The following ERP44 variants were observed in gnomAD, a reference collection of about 807,000 sequenced individuals.
ERP44 encodes the protein endoplasmic reticulum protein 44, also known as endoplasmic reticulum resident protein 44.
A neutral mutation model predicts 53.4 loss-of-function variants in ERP44; 25 were observed. The observed-to-expected ratio is 0.47, with a 90% CI of 0.34 to 0.65. The LOEUF is 0.65. Among genes scored for constraint, ERP44 ranks in the 30% least tolerant of loss-of-function variants. The pLI is 0.01. For synonymous variants in ERP44, 145 were observed against 161.2 expected (o/e 0.90, Z 0.76); for missense variants, 338 against 493.2 (o/e 0.69, Z 2.98).
intron 1 of ERP44, among the ~76,000 whole-genome samples, chr9:100,089,175 G>A (rs1044911181): frequency 4.6e-5 from 7 of 151,926 alleles, no homozygotes; most frequent in Non-Finnish European, 7.4e-5. Flanking sequence ...GACATAACCC[G>A]CCCCTTATCA....
In ERP44 at chr9:99,980,254, C is replaced by T. The variant is rs1830134804; in HGVS notation, c.*2358G>A. 2.5e-6 allele frequency: 1 copy of T among 393,166 alleles called. No homozygotes were observed. The highest frequency in any genetic ancestry group is 4.5e-6 in the Non-Finnish European group (1 of 223,090). 24.4% of individuals were successfully genotyped at this position (393,166 alleles called of 1,614,324 possible). A position where few individuals can be genotyped will look rare whatever the true frequency, so the allele number is the denominator to read the frequency against. ...ATATGCCTGACTAGGCTGTGAACAA[C>T]TCTAGGGCAGAAATAATGCTTTATT... On this transcript the variant is annotated 3_prime_UTR_variant, in exon 12 of 12. Transcript: ENST00000262455.
chr9:100,032,536 C>T lies in ERP44; in HGVS notation c.287-10310G>A, dbSNP rs117204377. 9.9e-5 allele frequency among the ~76,000 whole-genome samples: 15 copies of T among 152,004 alleles called. No individual in the cohort carries two copies. The East Asian group carries it at 2.3e-3, about 23-fold the overall frequency. ...AGATGGTATTTGGCTTTCTTTGGGC[C>T]GTATTTGTATAAATATGTTACTGGT... On this transcript the variant is annotated intron_variant, in intron 4 of 11. Transcript: ENST00000262455.
At position 100,074,316 on chromosome 9, in the gene ERP44, G is replaced by A. The variant is rs924774953; in HGVS notation, c.58-14144C>T. Among the ~76,000 whole-genome samples, 9 of 152,194 alleles carry A rather than the reference G, an allele frequency of 5.9e-5. No homozygotes were observed. In the South Asian group the frequency reaches 8.3e-4, roughly 14 times the overall value. On this transcript the variant is annotated intron_variant, in intron 1 of 11. Coordinates refer to ENST00000262455, the MANE Select transcript of ERP44 (RefSeq NM_015051.3). Reference sequence around the variant, plus strand: ...AAAACCACTGCCTGGTGCCAAAAACGTTCAAGACTGCTGGGTTATCACACT... The same window carrying A: ...AAAACCACTGCCTGGTGCCAAAAACATTCAAGACTGCTGGGTTATCACACT...
intron 10 of ERP44, among the ~76,000 whole-genome samples, chr9:99,997,351 T>C (rs903634355): frequency 2.0e-5 from 3 of 152,176 alleles, no homozygotes; most frequent in South Asian, 4.1e-4. Flanking sequence ...TAAGGTGGTA[T>C]TGCATTGTAG....
At chr9:99,997,596 C>T (rs1308402049) in intron 10 of ERP44, among the ~76,000 whole-genome samples, 2 of 152,136 alleles carry the variant, frequency 1.3e-5, no homozygotes, top group East Asian at 3.9e-4. Flanking sequence ...TTTATCCCTT[C>T]CCGAACAAAA....
intron 1 of ERP44, among the ~76,000 whole-genome samples, chr9:100,091,576 T>C (rs1826556639): frequency 6.6e-6 from 1 of 152,206 alleles, no homozygotes; most frequent in East Asian, 1.9e-4. Context: ...ATTCAATTGA[T>C]AGAAAAGATT....
chr9:100,020,643 T>C lies in ERP44; in HGVS notation c.560A>G (p.Asp187Gly). 6.2e-7 allele frequency: 1 copy of C among 1,605,062 alleles called. No individual in the cohort carries two copies. The highest frequency in any genetic ancestry group is 8.5e-7 in the Non-Finnish European group (1 of 1,172,242). The change falls in exon 6 of 12, where the codon GAT (aspartate) becomes GGT (glycine). Residue 187 changes from aspartate to glycine, a missense_variant. Asp to Gly is a moderately conservative substitution (Grantham distance 94, BLOSUM62 -1). Transcript: ENST00000262455. ...AAATGCAGAAAGAAAGGCACAGTCA[T>C]CATGCAAAATATTCGCTACTCGTTC... The part of the protein sequence containing the change: ...VFERVANILH[D>G]DCAFLSAFGD...
At chr9:100,082,145 G>C (rs577992892) in intron 1 of ERP44, among the ~76,000 whole-genome samples, 24 of 152,084 alleles carry the variant, frequency 1.6e-4, no homozygotes, top group African/African-American at 5.3e-4. Flanking sequence ...GACATAAAAG[G>C]ACACTTGAGC....
intron 1 of ERP44, among the ~76,000 whole-genome samples, chr9:100,085,123 CTT>C (rs1826466211): frequency 6.6e-6 from 1 of 152,176 alleles, no homozygotes; most frequent in African/African-American, 2.4e-5. Context: ...TTTTAAAACA[CTT>C]TTTTATTCAA....
chr9:100,078,096 T>C (rs1281689863), intron 1 of ERP44, among the ~76,000 whole-genome samples: 1 of 152,266 alleles, frequency 6.6e-6, no homozygotes, highest in African/African-American at 2.4e-5. Flanking sequence ...ATGAGGACTG[T>C]AACTGTCATG....
At chr9:100,062,719 G>C (rs1826165412) in intron 1 of ERP44, among the ~76,000 whole-genome samples, 1 of 152,122 alleles carries the variant, frequency 6.6e-6, no homozygotes, top group Non-Finnish European at 1.5e-5. Flanking sequence ...TATTTTTGAA[G>C]AGTTAATTAT....
intron 9 of ERP44, 152 bp downstream of exon 9, chr9:100,007,426 T>C: frequency 1.7e-6 from 1 of 577,164 alleles, no homozygotes; most frequent in Non-Finnish European, 3.1e-6. Context: ...TCTCTACTAA[T>C]GCCTCCTTAC....
intron 10 of ERP44, among the ~76,000 whole-genome samples, chr9:99,995,152 G>A (rs1363656837): frequency 6.6e-6 from 1 of 150,818 alleles, no homozygotes; most frequent in Non-Finnish European, 1.5e-5. Context: ...GTTTCCAATT[G>A]TTCATTGTCT....
chr9:99,991,380 CT>C (rs1830252784), intron 10 of ERP44, among the ~76,000 whole-genome samples: 1 of 152,208 alleles, frequency 6.6e-6, no homozygotes, highest in African/African-American at 2.4e-5. Flanking sequence ...AACCACACAA[CT>C]AAATGGAAAC....
intron 10 of ERP44, among the ~76,000 whole-genome samples, chr9:100,000,807 T>C (rs977451897): frequency 6.6e-6 from 1 of 152,120 alleles, no homozygotes; most frequent in Admixed American, 6.5e-5. Context: ...AAACCAGCTA[T>C]AGTTTTGTTG....
At chr9:100,081,226 TAAATA>T (rs1826419242) in intron 1 of ERP44, among the ~76,000 whole-genome samples, 1 of 151,796 alleles carries the variant, frequency 6.6e-6, no homozygotes, top group Non-Finnish European at 1.5e-5. Context: ...AATTAAAAAA[TAAATA>T]AAATAATACT....
At chr9:100,067,514 G>A (rs1385318156) in intron 1 of ERP44, among the ~76,000 whole-genome samples, 3 of 152,236 alleles carry the variant, frequency 2.0e-5, no homozygotes, top group African/African-American at 7.2e-5. Flanking sequence ...CCAGGCTGGA[G>A]TGCAGTGGCG....
chr9:100,078,652 G>T (rs1826386295), intron 1 of ERP44, among the ~76,000 whole-genome samples: 1 of 151,878 alleles, frequency 6.6e-6, no homozygotes, highest in Non-Finnish European at 1.5e-5. Context: ...CTACTTGGGA[G>T]GCTGAGGCAG....
chr9:100,027,890 C>T (rs148038076), intron 4 of ERP44, among the ~76,000 whole-genome samples: 35 of 152,174 alleles, frequency 2.3e-4, no homozygotes, highest in South Asian at 4.1e-4. Context: ...TCCCAAACTG[C>T]ACCCCTCAAA....
Sources: allele counts gnomAD v4.1 joint callset (sites outside exome capture counted in the v4.1 genomes callset), GRCh38; gene constraint gnomAD v4.1.1; transcripts MANE v1.5; gene names NCBI Gene and HGNC (gene_info 2026-07-23, HGNC 2026-07-21).